The following CMSS1 variants were observed in gnomAD, a reference collection of about 807,000 sequenced individuals.
The protein encoded by CMSS1 is cms1 ribosomal small subunit homolog.
A neutral mutation model predicts 43.5 loss-of-function variants in CMSS1; 33 were observed. The observed-to-expected ratio is 0.76, with a 90% CI of 0.57 to 1.01. CMSS1 has a LOEUF of 1.01. CMSS1 is among the 50% of genes least tolerant of loss of function. CMSS1 has a pLI of 0.00. For missense variants in CMSS1, 313 were observed against 326.4 expected (o/e 0.96, Z 0.32); for synonymous variants, 115 against 117.2 (o/e 0.98, Z 0.12).
intron 1 of CMSS1, among the ~76,000 whole-genome samples, chr3:100,010,628 T>C (rs1013274532): frequency 6.6e-6 from 1 of 151,410 alleles, no homozygotes; most frequent in Non-Finnish European, 1.5e-5. Flanking sequence ...TTTTTTTTGT[T>C]TTTGGAGATG....
intron 1 of CMSS1, among the ~76,000 whole-genome samples, chr3:99,987,947 A>G (rs1284284053): frequency 2.0e-5 from 3 of 152,186 alleles, no homozygotes; most frequent in Admixed American, 6.5e-5. Flanking sequence ...TGTTGAGGAT[A>G]CTGTTCTTCC....
chr3:100,068,921 G>T (rs1345413547), intron 1 of CMSS1, among the ~76,000 whole-genome samples: 1 of 152,184 alleles, frequency 6.6e-6, no homozygotes, highest in Non-Finnish European at 1.5e-5. Context: ...AGAAAGTTCA[G>T]CTTGCTCTCA....
At chr3:100,062,098 T>G (rs938786496) in intron 1 of CMSS1, among the ~76,000 whole-genome samples, 2 of 55,770 alleles carry the variant, frequency 3.6e-5, no homozygotes, top group East Asian at 5.2e-4. Context: ...TTCTTCTTTT[T>G]TTTTTTTTTT....
intron 1 of CMSS1, among the ~76,000 whole-genome samples, chr3:99,843,083 T>A (rs1330469470): frequency 6.6e-6 from 1 of 152,214 alleles, no homozygotes; most frequent in Non-Finnish European, 1.5e-5. Flanking sequence ...TTTGAGAACC[T>A]TAGTAAACTA....
At chr3:99,898,631 T>G (rs1334685407) in intron 1 of CMSS1, 2 of 191,672 alleles carry the variant, frequency 1.0e-5, no homozygotes, top group Non-Finnish European at 2.2e-5. Context: ...CTGGGCATGA[T>G]GGCGGGTGCC....
At chr3:99,939,346 C>G (rs1707787553) in intron 1 of CMSS1, among the ~76,000 whole-genome samples, 1 of 152,216 alleles carries the variant, frequency 6.6e-6, no homozygotes, top group African/African-American at 2.4e-5. Context: ...AGAACTAAAG[C>G]AAGCCAAGCT....
intron 1 of CMSS1, among the ~76,000 whole-genome samples, chr3:100,094,380 A>G (rs142114157): frequency 6.6e-6 from 1 of 152,250 alleles, no homozygotes; most frequent in East Asian, 1.9e-4. Context: ...ATATCAAGAT[A>G]TTATTTTCAT....
intron 1 of CMSS1, among the ~76,000 whole-genome samples, chr3:100,092,121 T>C (rs1265198580): frequency 6.6e-6 from 1 of 152,204 alleles, no homozygotes; most frequent in African/African-American, 2.4e-5. Flanking sequence ...TTAGAAAAAA[T>C]GCATACTTCC....
intron 1 of CMSS1, among the ~76,000 whole-genome samples, chr3:99,894,624 A>G (rs1262581713): frequency 6.6e-6 from 1 of 152,222 alleles, no homozygotes; most frequent in Non-Finnish European, 1.5e-5. Flanking sequence ...TTTTAAATGT[A>G]GGAAGTTTAC....
intron 1 of CMSS1, among the ~76,000 whole-genome samples, chr3:100,138,781 T>C (rs1236108101): frequency 6.6e-6 from 1 of 152,184 alleles, no homozygotes; most frequent in African/African-American, 2.4e-5. Context: ...GGAGACAGTA[T>C]GGCAATTCCT....
At chr3:100,070,922 C>T (rs116270611) in intron 1 of CMSS1, among the ~76,000 whole-genome samples, 1,651 of 152,218 alleles carry the variant, frequency 0.011, 34 homozygotes, top group African/African-American at 0.036. Flanking sequence ...TGAGTCACCG[C>T]GCCTGGCCTG....
At position 100,178,439 on chromosome 3, in the gene CMSS1, T is replaced by C. The variant is rs1165847609; in HGVS notation, c.*51T>C. On this transcript the variant is annotated 3_prime_UTR_variant, in exon 10 of 10. Coordinates refer to ENST00000421999, the MANE Select transcript of CMSS1 (RefSeq NM_032359.4). ...TTTTCACAGTAGAAGTTGCATCTTA[T>C]TTAATGACTCTGATACATTGCAAGC... The C allele has an allele frequency of 8.7e-7, 1 of 1,151,592 alleles. No homozygotes were observed. Among genetic ancestry groups the C allele is most frequent in the Admixed American group, 1.8e-5 (1 of 54,748 alleles). The allele number at this position is 1,151,592 out of a possible 1,614,324, so 71.3% of individuals were successfully genotyped here.
At chr3:99,875,580 C>T (rs1293832471) in intron 1 of CMSS1, among the ~76,000 whole-genome samples, 1 of 152,180 alleles carries the variant, frequency 6.6e-6, no homozygotes, top group Non-Finnish European at 1.5e-5. Flanking sequence ...TTAGATTCGT[C>T]TTAATTCCAA....
intron 1 of CMSS1, among the ~76,000 whole-genome samples, chr3:100,103,332 G>T (rs1459901668): frequency 2.0e-5 from 3 of 152,242 alleles, no homozygotes; most frequent in Non-Finnish European, 4.4e-5. Flanking sequence ...AGCACAGCAG[G>T]AGGTTGGGCA....
At chr3:100,139,705 G>A (rs2066789109) in intron 1 of CMSS1, among the ~76,000 whole-genome samples, 1 of 150,782 alleles carries the variant, frequency 6.6e-6, no homozygotes, top group African/African-American at 2.4e-5. Flanking sequence ...GCTGAGGCAG[G>A]AGAATCGCTT....
At chr3:99,992,015 T>C (rs1170394081) in intron 1 of CMSS1, among the ~76,000 whole-genome samples, 2 of 148,818 alleles carry the variant, frequency 1.3e-5, no homozygotes, top group Admixed American at 1.3e-4. Context: ...TGTGTGTGTA[T>C]ATATATATAT....
chr3:100,127,362 G>A (rs924453338), intron 1 of CMSS1, among the ~76,000 whole-genome samples: 10 of 152,174 alleles, frequency 6.6e-5, no homozygotes, highest in African/African-American at 2.4e-4. Flanking sequence ...CATGGGTCCA[G>A]CCAAGAACCA....
Position 99,817,937 on chromosome 3 carries a change from C to T in CMSS1, c.-43C>T, listed in dbSNP as rs1374613258. The T allele has an allele frequency of 3.1e-6, 5 of 1,601,414 alleles. No homozygotes were observed. The South Asian group carries it at 3.3e-5, about 11-fold the overall frequency. On this transcript the variant is annotated 5_prime_UTR_variant, in exon 1 of 10. Coordinates refer to ENST00000421999, the MANE Select transcript of CMSS1 (RefSeq NM_032359.4). ...GACAACGTGATTCTCCGCAGCTGGTCGCCTACCCGTGATGTTCTGCCCACG... is the reference window on the plus strand; with the variant it reads ...GACAACGTGATTCTCCGCAGCTGGTTGCCTACCCGTGATGTTCTGCCCACG...
intron 1 of CMSS1, among the ~76,000 whole-genome samples, chr3:99,853,816 T>C (rs1470046342): frequency 6.6e-6 from 1 of 152,218 alleles, no homozygotes; most frequent in Non-Finnish European, 1.5e-5. Context: ...GTCAGCTGTC[T>C]AGTCTAGTAA....
Sources: allele counts gnomAD v4.1 joint callset (sites outside exome capture counted in the v4.1 genomes callset), GRCh38; gene constraint gnomAD v4.1.1; transcripts MANE v1.5; gene names NCBI Gene and HGNC (gene_info 2026-07-23, HGNC 2026-07-21).